Variants in LARGE1 observed in about 807,000 individuals in gnomAD.
LARGE1 encodes LARGE xylosyl- and glucuronyltransferase 1.
In LARGE1, 43 loss-of-function variants were observed where a neutral mutation model predicts 87.6. The ratio of observed to expected loss-of-function variants is 0.49; its 90% CI spans 0.38 to 0.63. The LOEUF is 0.63. LARGE1 is among the 30% of genes least tolerant of loss of function. The probability of loss-of-function intolerance (pLI) is 0.00; values close to 1 mark genes in which losing one functional copy is unlikely to be tolerated. For synonymous variants in LARGE1, 434 were observed against 394.6 expected, an observed-to-expected ratio of 1.10 and a Z score of -1.18; for missense variants, 802 against 1,000.2, an observed-to-expected ratio of 0.80 and a Z score of 2.67.
chr22:33,800,768 T>C (rs62225452), intron 1 of LARGE1, among the ~76,000 whole-genome samples: 10,909 of 152,308 alleles, frequency 0.072, 511 homozygotes, highest in Admixed American at 0.11. Context: ...TGCAAGGATA[T>C]ACATTTTGTT....
At chr22:33,092,058 C>T in the LARGE1 span, among the ~76,000 whole-genome samples, 1 of 152,038 alleles carries the variant, frequency 6.6e-6, no homozygotes, top group South Asian at 2.1e-4. Context: ...CACCACTACA[C>T]CCAGCTAATT....
At chr22:33,454,377 T>C (rs1341699109) in intron 6 of LARGE1, among the ~76,000 whole-genome samples, 1 of 151,946 alleles carries the variant, frequency 6.6e-6, no homozygotes. Context: ...CTCAGCACTT[T>C]GGGAGGCTGA....
chr22:33,349,479 T>C (rs1940150736), intron 9 of LARGE1, among the ~76,000 whole-genome samples: 1 of 152,176 alleles, frequency 6.6e-6, no homozygotes, highest in Non-Finnish European at 1.5e-5. Context: ...CTAGCTAAAG[T>C]GACACTGTCC....
chr22:33,886,803 A>G (rs1474388293), intron 1 of LARGE1, among the ~76,000 whole-genome samples: 1 of 152,182 alleles, frequency 6.6e-6, no homozygotes, highest in Non-Finnish European at 1.5e-5. Flanking sequence ...AGCACCAAGT[A>G]CCAGGCACTG....
intron 7 of LARGE1, among the ~76,000 whole-genome samples, chr22:33,388,841 T>C (rs1466987734): frequency 1.3e-5 from 2 of 151,804 alleles, no homozygotes; most frequent in Non-Finnish European, 2.9e-5. Context: ...TGCTGGGATT[T>C]TACAGGTGTG....
chr22:33,331,652 C>T (rs1443954746), intron 10 of LARGE1, among the ~76,000 whole-genome samples: 1 of 152,154 alleles, frequency 6.6e-6, no homozygotes, highest in East Asian at 1.9e-4. Flanking sequence ...AGGTGATCTG[C>T]CCGCCTCGGC....
chr22:33,652,430 T>C (rs1251193317), intron 2 of LARGE1, among the ~76,000 whole-genome samples: 1 of 152,060 alleles, frequency 6.6e-6, no homozygotes, highest in African/African-American at 2.4e-5. Context: ...TTGTATAAAG[T>C]AGGCGCTCAA....
At chr22:33,413,222 AG>A (rs2066373508) in intron 7 of LARGE1, among the ~76,000 whole-genome samples, 1 of 152,164 alleles carries the variant, frequency 6.6e-6, no homozygotes, top group Non-Finnish European at 1.5e-5. Context: ...CAATGTCTAT[AG>A]TGGAGTTTTA....
At chr22:33,405,339 C>G (rs555299457) in intron 7 of LARGE1, among the ~76,000 whole-genome samples, 16 of 152,274 alleles carry the variant, frequency 1.1e-4, no homozygotes, top group African/African-American at 3.9e-4. Context: ...AGTTCCAGAA[C>G]AGGCCAAGCT....
chr22:33,558,716 T>G (rs1429829345), intron 6 of LARGE1, among the ~76,000 whole-genome samples: 1 of 152,180 alleles, frequency 6.6e-6, no homozygotes, highest in Non-Finnish European at 1.5e-5. Context: ...CAAAGAGCAT[T>G]AAAAACTCCT....
chr22:33,844,001 C>T (rs979515087), intron 1 of LARGE1, among the ~76,000 whole-genome samples: 1 of 151,588 alleles, frequency 6.6e-6, no homozygotes, highest in Non-Finnish European at 1.5e-5. Flanking sequence ...ATCGCTTGAA[C>T]CCGGGAGGCG....
intron 6 of LARGE1, among the ~76,000 whole-genome samples, chr22:33,534,391 A>G (rs555738387): frequency 4.6e-5 from 7 of 151,376 alleles, no homozygotes; most frequent in African/African-American, 1.5e-4. Flanking sequence ...GCGACAGAGC[A>G]AGACTCTGTC....
the LARGE1 span, among the ~76,000 whole-genome samples, chr22:33,115,815 C>A: frequency 6.4e-3 from 629 of 97,760 alleles, no homozygotes; most frequent in East Asian, 0.01. Context: ...GACTCTGTCT[C>A]AAAAAAAAAA....
intron 6 of LARGE1, among the ~76,000 whole-genome samples, chr22:33,432,508 GT>G (rs576167623): frequency 6.0e-4 from 92 of 152,278 alleles, no homozygotes; most frequent in Non-Finnish European, 1.0e-3. Flanking sequence ...GCCCAGAACA[GT>G]TAACTGATTT....
At chr22:33,275,284 A>G (rs930332456) in intron 14 of LARGE1, among the ~76,000 whole-genome samples, 2 of 152,222 alleles carry the variant, frequency 1.3e-5, no homozygotes, top group Non-Finnish European at 2.9e-5. Context: ...TGAATAGCCA[A>G]AACAGGTGAC....
intron 12 of LARGE1, among the ~76,000 whole-genome samples, chr22:33,299,770 G>T (rs1933893326): frequency 6.6e-6 from 1 of 152,194 alleles, no homozygotes. Context: ...GTGGAACCTG[G>T]CTTCAAAGGC....
chr22:33,594,692 C>T (rs537538768), intron 5 of LARGE1, among the ~76,000 whole-genome samples: 1 of 152,282 alleles, frequency 6.6e-6, no homozygotes, highest in African/African-American at 2.4e-5. Context: ...CTGCAACCTC[C>T]GCCTCCTGGG....
intron 12 of LARGE1, among the ~76,000 whole-genome samples, chr22:33,301,180 C>A (rs1465829099): frequency 6.6e-6 from 1 of 152,148 alleles, no homozygotes; most frequent in African/African-American, 2.4e-5. Context: ...ATGAATCCAT[C>A]TACTCACCAG....
intron 12 of LARGE1, among the ~76,000 whole-genome samples, chr22:33,296,391 A>G (rs1026657202): frequency 6.6e-6 from 1 of 152,176 alleles, no homozygotes; most frequent in Non-Finnish European, 1.5e-5. Flanking sequence ...TGCAAAGATT[A>G]AAATAGTTCC....
Sources: gnomAD v4.1 joint callset for allele counts (sites outside exome capture counted in the v4.1 genomes callset) on GRCh38, gnomAD v4.1.1 for gene constraint, MANE v1.5 for transcripts, NCBI Gene and HGNC (gene_info 2026-07-23, HGNC 2026-07-21) for gene names.